Variants in DPP6 observed in about 807,000 individuals in gnomAD.
DPP6 encodes A-type potassium channel modulatory protein DPP6.
Under a neutral mutation model 122.6 loss-of-function variants are expected in DPP6, and 69 were observed. That is an observed-to-expected ratio of 0.56 (90% CI 0.46 to 0.69). DPP6 has a LOEUF of 0.69. Among genes scored for constraint, DPP6 ranks in the 30% least tolerant of loss-of-function variants. DPP6 has a pLI of 0.00. For missense variants in DPP6, 928 were observed against 1,116.9 expected (o/e 0.83, Z 2.41); for synonymous variants, 418 against 433.1 (o/e 0.97, Z 0.43).
At chr7:154,329,968 A>G (rs1808773928) in intron 1 of DPP6, among the ~76,000 whole-genome samples, 3 of 151,266 alleles carry the variant, frequency 2.0e-5, no homozygotes, top group Admixed American at 6.6e-5. Context: ...CACAAGCGGG[A>G]GTTGAACAAT....
rs1796257325 is a variant in DPP6, at chr7:153,975,531, A to G, written c.51+87797A>G. Among the ~76,000 whole-genome samples the G allele has an allele frequency of 6.6e-5, 10 of 151,388 alleles. No individual in the cohort carries two copies. In the South Asian group the frequency reaches 2.1e-3, roughly 31 times the overall value. Reference sequence around the variant, plus strand: ...AAGGCAACTTGAACTAAGAGAGAAAACTATGGTATATTTTCTAAAAAAAAA... The same window carrying G: ...AAGGCAACTTGAACTAAGAGAGAAAGCTATGGTATATTTTCTAAAAAAAAA... On this transcript the variant is annotated intron_variant, in intron 1 of 25. Transcript: ENST00000404039.
chr7:154,629,876 G>A (rs1835303066), intron 5 of DPP6, among the ~76,000 whole-genome samples: 1 of 152,208 alleles, frequency 6.6e-6, no homozygotes, highest in South Asian at 2.1e-4. Flanking sequence ...ATTGAAGGCA[G>A]CTGCAACTCT....
intron 1 of DPP6, among the ~76,000 whole-genome samples, chr7:154,288,104 A>T (rs1804972002): frequency 6.6e-6 from 1 of 152,156 alleles, no homozygotes; most frequent in African/African-American, 2.4e-5. Context: ...ACCTCCCTGA[A>T]TTGAAGTCCT....
At chr7:154,390,719 C>T (rs1401785364) in intron 1 of DPP6, among the ~76,000 whole-genome samples, 1 of 152,074 alleles carries the variant, frequency 6.6e-6, no homozygotes, top group East Asian at 1.9e-4. Flanking sequence ...GGGCCATCGC[C>T]GCCGTCTTCT....
At chr7:153,906,200 ATTAGT>A (rs1799843883) in intron 1 of DPP6, among the ~76,000 whole-genome samples, 1 of 152,144 alleles carries the variant, frequency 6.6e-6, no homozygotes, top group Non-Finnish European at 1.5e-5. Context: ...CTTTATTTTA[ATTAGT>A]TTATTCTTAT....
chr7:153,846,298 A>T, the DPP6 span, among the ~76,000 whole-genome samples: 1 of 152,038 alleles, frequency 6.6e-6, no homozygotes, highest in African/African-American at 2.4e-5. Context: ...GTTCTTTACC[A>T]TTTCCTTATT....
At chr7:154,563,380 T>C (rs1020779056) in intron 4 of DPP6, among the ~76,000 whole-genome samples, 1 of 152,140 alleles carries the variant, frequency 6.6e-6, no homozygotes, top group Non-Finnish European at 1.5e-5. Flanking sequence ...GGACTTTGGC[T>C]TTTCCCACAG....
the DPP6 span, among the ~76,000 whole-genome samples, chr7:153,837,532 C>T: frequency 6.6e-6 from 1 of 152,172 alleles, no homozygotes; most frequent in Non-Finnish European, 1.5e-5. Context: ...TGCTACCTTT[C>T]CAGGAAACCT....
chr7:153,831,164 T>C, the DPP6 span, among the ~76,000 whole-genome samples: 1 of 152,256 alleles, frequency 6.6e-6, no homozygotes, highest in Non-Finnish European at 1.5e-5. Flanking sequence ...TACTCATTTA[T>C]GTAATAGATG....
chr7:154,519,854 G>T (rs1344944258), intron 3 of DPP6, among the ~76,000 whole-genome samples: 1 of 152,134 alleles, frequency 6.6e-6, no homozygotes, highest in Non-Finnish European at 1.5e-5. Flanking sequence ...GGTGTAGTTG[G>T]TTTTCCCCTT....
At chr7:154,238,773 A>C (rs887255159) in intron 1 of DPP6, among the ~76,000 whole-genome samples, 2 of 152,222 alleles carry the variant, frequency 1.3e-5, no homozygotes, top group Non-Finnish European at 2.9e-5. Context: ...GATCCTCATG[A>C]AAATTATTTG....
the DPP6 span, among the ~76,000 whole-genome samples, chr7:153,765,971 G>A: frequency 2.0e-5 from 3 of 152,204 alleles, no homozygotes; most frequent in Non-Finnish European, 4.4e-5. Context: ...GGTCTAGGGT[G>A]GAGCCCAAGA....
chr7:154,595,663 A>G (rs1833049550), intron 5 of DPP6, among the ~76,000 whole-genome samples: 1 of 152,244 alleles, frequency 6.6e-6, no homozygotes, highest in African/African-American at 2.4e-5. Context: ...TTCTTGGTTC[A>G]TTCAGCAGAG....
chr7:153,867,331 A>G, the DPP6 span, among the ~76,000 whole-genome samples: 1 of 152,224 alleles, frequency 6.6e-6, no homozygotes, highest in African/African-American at 2.4e-5. Flanking sequence ...TTCATTGAGT[A>G]GTGGTTTGTA....
intron 1 of DPP6, among the ~76,000 whole-genome samples, chr7:154,345,719 A>G (rs1810339464): frequency 6.6e-6 from 1 of 152,222 alleles, no homozygotes; most frequent in African/African-American, 2.4e-5. Flanking sequence ...GGACTCTGCC[A>G]TATGCATCCA....
At chr7:154,043,206 C>A (rs554914561) in intron 1 of DPP6, among the ~76,000 whole-genome samples, 2 of 151,832 alleles carry the variant, frequency 1.3e-5, no homozygotes, top group Admixed American at 6.6e-5. Flanking sequence ...TGACCAACAT[C>A]GTGAAACCCC....
intron 1 of DPP6, among the ~76,000 whole-genome samples, chr7:154,367,869 C>T (rs13227820): frequency 0.079 from 12,086 of 152,252 alleles, 613 homozygotes; most frequent in African/African-American, 0.13. Flanking sequence ...ACAGTGGGCG[C>T]GATCTCGGCT....
At chr7:154,615,489 T>G (rs1834179288) in intron 5 of DPP6, among the ~76,000 whole-genome samples, 2 of 152,224 alleles carry the variant, frequency 1.3e-5, no homozygotes, top group African/African-American at 4.8e-5. Flanking sequence ...CTCCAGTTTT[T>G]GTGGAAAAAA....
chr7:154,304,003 G>T (rs879574672), intron 1 of DPP6, among the ~76,000 whole-genome samples: 5 of 152,188 alleles, frequency 3.3e-5, no homozygotes, highest in Non-Finnish European at 7.3e-5. Context: ...TGTCTAGTTG[G>T]CCTCTTTTCT....
Sources: gnomAD v4.1 joint callset for allele counts (sites outside exome capture counted in the v4.1 genomes callset) on GRCh38, gnomAD v4.1.1 for gene constraint, MANE v1.5 for transcripts, NCBI Gene and HGNC (gene_info 2026-07-23, HGNC 2026-07-21) for gene names.